Variants in SNTG1 observed in about 807,000 individuals in gnomAD.
The protein encoded by SNTG1 is gamma-1-syntrophin.
In SNTG1, 39 loss-of-function variants were observed where a neutral mutation model predicts 74.7. That is an observed-to-expected ratio of 0.52 (90% CI 0.40 to 0.68). The LOEUF (loss-of-function observed/expected upper bound fraction) is 0.68. Among genes scored for constraint, SNTG1 ranks in the 30% least tolerant of loss-of-function variants. The pLI, the probability that SNTG1 is intolerant of heterozygous loss-of-function variation, is 0.00. For missense variants in SNTG1, 685 were observed against 609.5 expected, an observed-to-expected ratio of 1.12 and a Z score of -1.30; for synonymous variants, 254 against 217.1, an observed-to-expected ratio of 1.17 and a Z score of -1.49.
At chr8:49,966,730 C>T (rs1392732921) in intron 1 of SNTG1, among the ~76,000 whole-genome samples, 2 of 152,102 alleles carry the variant, frequency 1.3e-5, no homozygotes, top group Non-Finnish European at 2.9e-5. Flanking sequence ...CATATTTAAC[C>T]TATGGAAATA....
chr8:50,257,332 C>T (rs1374403156), intron 2 of SNTG1, among the ~76,000 whole-genome samples: 1 of 152,164 alleles, frequency 6.6e-6, no homozygotes, highest in East Asian at 1.9e-4. Flanking sequence ...CAAATGCTGC[C>T]ATTTACATCT....
intron 1 of SNTG1, among the ~76,000 whole-genome samples, chr8:49,948,606 T>C (rs1323007204): frequency 6.6e-6 from 1 of 152,210 alleles, no homozygotes; most frequent in Non-Finnish European, 1.5e-5. Flanking sequence ...TTCCTGGACT[T>C]TTGAATGTTG....
chr8:50,754,422 G>A (rs528332909), intron 18 of SNTG1, among the ~76,000 whole-genome samples: 2 of 151,874 alleles, frequency 1.3e-5, no homozygotes, highest in South Asian at 2.1e-4. Flanking sequence ...TATCCCTCAA[G>A]TCTGATAATG....
intron 8 of SNTG1, among the ~76,000 whole-genome samples, chr8:50,461,803 T>C (rs1368674755): frequency 1.3e-5 from 2 of 152,132 alleles, no homozygotes; most frequent in African/African-American, 4.8e-5. Context: ...TTGCATATAT[T>C]TCCTGCCAGT....
At chr8:50,307,201 T>G (rs556489478) in intron 2 of SNTG1, among the ~76,000 whole-genome samples, 22 of 152,244 alleles carry the variant, frequency 1.4e-4, no homozygotes, top group African/African-American at 5.1e-4. Flanking sequence ...ATCTCTTGAT[T>G]AACCTATATA....
intron 2 of SNTG1, among the ~76,000 whole-genome samples, chr8:50,322,520 G>T (rs1737961992): frequency 6.6e-6 from 1 of 151,838 alleles, no homozygotes; most frequent in South Asian, 2.1e-4. Flanking sequence ...GTCTTTTTTG[G>T]GTTAAACCTG....
intron 1 of SNTG1, among the ~76,000 whole-genome samples, chr8:50,159,764 G>A (rs1280221627): frequency 6.6e-6 from 1 of 152,130 alleles, no homozygotes; most frequent in East Asian, 1.9e-4. Context: ...TCTATGGAGT[G>A]TTCACAGGCA....
Position 49,934,088 on chromosome 8 carries a change from G to A in SNTG1, c.-103+21857G>A, listed in dbSNP as rs536948863. Reference sequence around the variant, plus strand: ...CAATCTGTGAGATGAGTGTGTGGACGTAAGTCTCTTATCTAGTTAGGATGT... The same window carrying A: ...CAATCTGTGAGATGAGTGTGTGGACATAAGTCTCTTATCTAGTTAGGATGT... On this transcript the variant is annotated intron_variant, in intron 1 of 18. Transcript: ENST00000642720. 1.1e-4 allele frequency among the ~76,000 whole-genome samples: 16 copies of A among 152,244 alleles called. 1 individual carries two copies. In the East Asian group the frequency reaches 1.2e-3, roughly 11 times the overall value.
intron 2 of SNTG1, among the ~76,000 whole-genome samples, chr8:50,211,516 A>T (rs2084520321): frequency 1.3e-5 from 2 of 152,090 alleles, no homozygotes. Flanking sequence ...CAATAATTTT[A>T]TACTCAGTTG....
At chr8:50,615,754 G>GAC (rs1273406558) in intron 13 of SNTG1, among the ~76,000 whole-genome samples, 2 of 152,188 alleles carry the variant, frequency 1.3e-5, no homozygotes, top group Non-Finnish European at 2.9e-5. Flanking sequence ...AAGGTGAAAA[G>GAC]ACACAGCTGA....
intron 1 of SNTG1, chr8:49,914,985 G>A (rs1805891539): frequency 6.6e-6 from 1 of 152,192 alleles, no homozygotes; most frequent in Non-Finnish European, 1.5e-5. Flanking sequence ...TTAGCAGAGT[G>A]AGCACATAGC....
At chr8:50,351,396 A>G (rs151292704) in intron 2 of SNTG1, among the ~76,000 whole-genome samples, 1 of 152,336 alleles carries the variant, frequency 6.6e-6, no homozygotes, top group African/African-American at 2.4e-5. Flanking sequence ...AGTAGTTTTG[A>G]CAGAAATGAT....
chr8:49,962,272 A>G (rs989052619), intron 1 of SNTG1, among the ~76,000 whole-genome samples: 1 of 151,778 alleles, frequency 6.6e-6, no homozygotes, highest in Non-Finnish European at 1.5e-5. Flanking sequence ...TGGGGCATGC[A>G]GGAAGCTGAG....
At chr8:50,000,554 T>C (rs1319356013) in intron 1 of SNTG1, among the ~76,000 whole-genome samples, 1 of 152,182 alleles carries the variant, frequency 6.6e-6, no homozygotes, top group Non-Finnish European at 1.5e-5. Context: ...AGAATTAAAC[T>C]TCAGTGCATA....
chr8:50,308,727 A>G (rs547703007), intron 2 of SNTG1, among the ~76,000 whole-genome samples: 21 of 152,294 alleles, frequency 1.4e-4, no homozygotes, highest in African/African-American at 5.1e-4. Flanking sequence ...TTAAATGCTT[A>G]ATAAAATAAA....
chr8:50,089,319 G>A (rs203613), intron 1 of SNTG1, among the ~76,000 whole-genome samples: 93,207 of 150,306 alleles, frequency 0.62, 29,204 homozygotes, highest in East Asian at 0.84. Flanking sequence ...GAAAACCTAG[G>A]CATTACCATT....
At chr8:50,587,842 T>C (rs911449170) in intron 12 of SNTG1, among the ~76,000 whole-genome samples, 1 of 150,908 alleles carries the variant, frequency 6.6e-6, no homozygotes, top group Non-Finnish European at 1.5e-5. Flanking sequence ...TAGCGGCTCA[T>C]GGCTCATGCC....
chr8:50,671,998 A>G (rs2095285723), intron 15 of SNTG1, among the ~76,000 whole-genome samples: 1 of 141,270 alleles, frequency 7.1e-6, no homozygotes, highest in Admixed American at 7.5e-5. Flanking sequence ...GAACAATGAG[A>G]ACACATGGAC....
At chr8:50,087,045 G>C (rs1225918155) in intron 1 of SNTG1, among the ~76,000 whole-genome samples, 2 of 152,168 alleles carry the variant, frequency 1.3e-5, no homozygotes, top group African/African-American at 4.8e-5. Context: ...TCAAGGTCTT[G>C]TCAGGATTAA....
Sources: gnomAD v4.1 joint callset for allele counts (sites outside exome capture counted in the v4.1 genomes callset) on GRCh38, gnomAD v4.1.1 for gene constraint, MANE v1.5 for transcripts, NCBI Gene and HGNC (gene_info 2026-07-23, HGNC 2026-07-21) for gene names.